The following PCDH15 variants were observed in gnomAD, a reference collection of about 807,000 sequenced individuals.
PCDH15 encodes protocadherin related 15.
PCDH15 carries 129 observed loss-of-function variants against 178.5 expected under a neutral mutation model. The ratio of observed to expected loss-of-function variants is 0.72; its 90% CI spans 0.63 to 0.84. The LOEUF (loss-of-function observed/expected upper bound fraction) is 0.84, where lower values mean the gene tolerates loss of function less well. Among genes scored for constraint, PCDH15 ranks in the 40% least tolerant of loss-of-function variants. The pLI, the probability that PCDH15 is intolerant of heterozygous loss-of-function variation, is 0.00. For synonymous variants in PCDH15, 800 were observed against 732.0 expected, an observed-to-expected ratio of 1.09 and a Z score of -1.50; for missense variants, 2,230 against 2,099.9, an observed-to-expected ratio of 1.06 and a Z score of -1.21.
chr10:54,560,340 G>C (rs1467386620), intron 2 of PCDH15, among the ~76,000 whole-genome samples: 1 of 152,078 alleles, frequency 6.6e-6, no homozygotes, highest in African/African-American at 2.4e-5. Context: ...GAGTGTTCCT[G>C]AGTGCTTTGG....
At chr10:54,603,852 G>A (rs2092641297) in intron 2 of PCDH15, among the ~76,000 whole-genome samples, 1 of 151,986 alleles carries the variant, frequency 6.6e-6, no homozygotes. Flanking sequence ...CCTAGAGAGA[G>A]GTTGTTTGAT....
At chr10:54,920,562 T>G (rs1274275381) in intron 2 of PCDH15, among the ~76,000 whole-genome samples, 3 of 151,996 alleles carry the variant, frequency 2.0e-5, no homozygotes, top group African/African-American at 7.2e-5. Context: ...AGAAGCATTT[T>G]ATACAAATTA....
chr10:54,374,654 CT>C (rs369230585), intron 4 of PCDH15, among the ~76,000 whole-genome samples: 1 of 151,644 alleles, frequency 6.6e-6, no homozygotes. Flanking sequence ...CTCTTCCTTT[CT>C]TTTTTTAATT....
rs1357395205 is a variant in PCDH15 at position 54,723,697 on chromosome 10, C to A, written c.-28-59407G>T. 3.4e-5 allele frequency among the ~76,000 whole-genome samples: 5 copies of A among 148,082 alleles called. No homozygotes were observed. In the Admixed American group the frequency reaches 3.4e-4, roughly 10 times the overall value. On this transcript the variant is annotated intron_variant, in intron 1 of 37. Coordinates refer to ENST00000644397, the MANE Select transcript of PCDH15 (RefSeq NM_001384140.1). The stretch of plus-strand genomic sequence containing the variant: ...TCTACAAGAAACTCGAACAACTCAA[C>A]AAGAAAAAAAATAATTCCACTGAAG...
At chr10:54,849,378 C>A (rs1301419473) in intron 3 of PCDH15, among the ~76,000 whole-genome samples, 3 of 152,146 alleles carry the variant, frequency 2.0e-5, no homozygotes, top group South Asian at 2.1e-4. Context: ...ATCTTCCCGA[C>A]CTTTTTCCAA....
chr10:54,226,325 A>G (rs2053444399), intron 9 of PCDH15, among the ~76,000 whole-genome samples: 1 of 152,174 alleles, frequency 6.6e-6, no homozygotes, highest in Admixed American at 6.5e-5. Context: ...ATTCACTGTC[A>G]TGAGAACAGC....
At chr10:55,347,949 T>A (rs1900481) in intron 2 of PCDH15, among the ~76,000 whole-genome samples, 1 of 151,698 alleles carries the variant, frequency 6.6e-6, no homozygotes, top group Non-Finnish European at 1.5e-5. Flanking sequence ...TCTTATATCA[T>A]ACAATTGAAT....
chr10:53,984,143 C>CTTT (rs1564928742), intron 21 of PCDH15, among the ~76,000 whole-genome samples: 19 of 43,704 alleles, frequency 4.3e-4, no homozygotes, highest in African/African-American at 1.1e-3. Context: ...TTTCTTTTTT[C>CTTT]TTTTCTTTTT....
intron 2 of PCDH15, among the ~76,000 whole-genome samples, chr10:55,024,308 G>A (rs145539459): frequency 9.0e-6 from 1 of 111,606 alleles, no homozygotes; most frequent in African/African-American, 2.9e-5. Context: ...TATATATATG[G>A]GATGGAATAT....
chr10:53,982,205 C>A (rs1352541345), intron 21 of PCDH15, among the ~76,000 whole-genome samples: 3 of 152,162 alleles, frequency 2.0e-5, no homozygotes, highest in Non-Finnish European at 2.9e-5. Flanking sequence ...AATAGGAACA[C>A]TTTTACACTG....
At chr10:55,450,125 T>C (rs909928500) in intron 2 of PCDH15, among the ~76,000 whole-genome samples, 15 of 152,142 alleles carry the variant, frequency 9.9e-5, no homozygotes, top group Non-Finnish European at 1.3e-4. Context: ...GCTACATGCA[T>C]AATGTAGGTA....
intron 5 of PCDH15, among the ~76,000 whole-genome samples, chr10:54,364,299 G>T (rs1238159846): frequency 6.6e-6 from 1 of 151,426 alleles, no homozygotes; most frequent in East Asian, 1.9e-4. Flanking sequence ...ATACTGTTGG[G>T]TAGTTCTATA....
chr10:54,268,713 G>A (rs1455294559), intron 8 of PCDH15, among the ~76,000 whole-genome samples: 1 of 151,738 alleles, frequency 6.6e-6, no homozygotes, highest in Non-Finnish European at 1.5e-5. Flanking sequence ...ATGTTCTAGT[G>A]AGTAACAAGA....
intron 17 of PCDH15, among the ~76,000 whole-genome samples, chr10:54,071,916 T>G (rs74135782): frequency 0.062 from 9,494 of 152,140 alleles, 514 homozygotes; most frequent in South Asian, 0.15. Context: ...AAGAAATGTG[T>G]CTAACGTGTT....
At position 55,223,045 on chromosome 10, in the gene PCDH15, G is replaced by A. The variant is rs1840930460; in HGVS notation, c.-155-56394C>T. 2.0e-5 allele frequency among the ~76,000 whole-genome samples: 3 copies of A among 151,904 alleles called. No individual in the cohort carries two copies. In the South Asian group the frequency reaches 6.2e-4, roughly 32 times the overall value. ...CCCCACAGTGCTTTCTGCAATGATG[G>A]GAAGGTTTTATACCTGTGCAGTCCA... On this transcript the variant is annotated intron_variant, in intron 1 of 5. Transcript: ENST00000458638.
At chr10:54,040,911 C>T (rs946720242) in intron 18 of PCDH15, among the ~76,000 whole-genome samples, 4 of 152,042 alleles carry the variant, frequency 2.6e-5, no homozygotes, top group Non-Finnish European at 5.9e-5. Context: ...TACTCTAAAA[C>T]TTCATCAATA....
chr10:55,211,172 G>A (rs779455526), intron 1 of PCDH15, among the ~76,000 whole-genome samples: 8 of 152,054 alleles, frequency 5.3e-5, no homozygotes, highest in Non-Finnish European at 1.2e-4. Context: ...AAAGGGGAAA[G>A]TGGGAGACAG....
chr10:55,353,948 C>T (rs1845007983), intron 2 of PCDH15, among the ~76,000 whole-genome samples: 1 of 152,138 alleles, frequency 6.6e-6, no homozygotes, highest in South Asian at 2.1e-4. Flanking sequence ...TGCTTGTATT[C>T]AGCAGTTGAT....
chr10:54,404,086 G>A lies in PCDH15; in HGVS notation c.158-25144C>T, dbSNP rs553446269. On this transcript the variant is annotated intron_variant, in intron 3 of 37. Transcript: ENST00000644397. ...ATGTTATTTCTATTAAACTACCAAT[G>A]ACATTCTTCACAGAACTAGAAAAGG... Among the ~76,000 whole-genome samples, 4 of 151,822 alleles carry A rather than the reference G, an allele frequency of 2.6e-5. No individual in the cohort carries two copies. The East Asian group carries it at 5.8e-4, about 22-fold the overall frequency.
Sources: gnomAD v4.1 joint callset for allele counts (sites outside exome capture counted in the v4.1 genomes callset) on GRCh38, gnomAD v4.1.1 for gene constraint, MANE v1.5 for transcripts, NCBI Gene and HGNC (gene_info 2026-07-23, HGNC 2026-07-21) for gene names.